Variants in LSP1 observed in about 807,000 individuals in gnomAD.
LSP1 encodes the protein lymphocyte specific protein 1.
In LSP1, 32 loss-of-function variants were observed where a neutral mutation model predicts 49.3. The ratio of observed to expected loss-of-function variants is 0.65; its 90% confidence interval spans 0.49 to 0.87. The LOEUF (loss-of-function observed/expected upper bound fraction) is 0.87. LSP1 is among the 40% of genes least tolerant of loss of function. The pLI is 0.00. For missense variants in LSP1, 428 were observed against 442.6 expected, an observed-to-expected ratio of 0.97 and a Z score of 0.30; for synonymous variants, 179 against 178.8, an observed-to-expected ratio of 1.00 and a Z score of -0.01.
chr11:1,868,640 G>T (rs1847873881), intron 1 of LSP1: 1 of 985,344 alleles, frequency 1.0e-6, no homozygotes, highest in African/African-American at 1.7e-5. Context: ...CCAGGCCTGA[G>T]ATCCTGAGGG....
intron 1 of LSP1, chr11:1,876,683 G>T (rs529524358): frequency 5.2e-5 from 50 of 962,420 alleles, no homozygotes; most frequent in African/African-American, 4.4e-4. Context: ...GATGGGCATT[G>T]TCAGGCCCTC....
rs757274538 is a variant in LSP1 at position 1,881,460 on chromosome 11, G to C, written c.220G>C (p.Glu74Gln). 5 of 1,580,658 alleles carry C rather than the reference G, an allele frequency of 3.2e-6. No individual in the cohort carries two copies. In the East Asian group the frequency reaches 1.1e-4, roughly 36 times the overall value. Residue 74 changes from glutamate to glutamine, a missense_variant, in exon 3 of 11, where the codon GAA (glutamate) becomes CAA (glutamine). Physicochemically the swap from Glu to Gln is conservative, Grantham distance 29. Transcript: ENST00000311604. ...LLSLKPSEAP[E>Q]LDEDEGFGDW... Reference sequence around the variant, plus strand: ...CAGCCTGAAGCCCTCGGAGGCCCCTGAACTGGATGAGGACGAGGGCTTTGG... The same window carrying C: ...CAGCCTGAAGCCCTCGGAGGCCCCTCAACTGGATGAGGACGAGGGCTTTGG...
At chr11:1,862,117 G>A (rs376637869) in intron 1 of LSP1, among the ~76,000 whole-genome samples, 4 of 151,834 alleles carry the variant, frequency 2.6e-5, no homozygotes, top group East Asian at 3.9e-4. Flanking sequence ...ATGAATAGAT[G>A]GGTGGGTGGA....
At chr11:1,883,033 G>A (rs1250912926) in intron 3 of LSP1, among the ~76,000 whole-genome samples, 1 of 152,266 alleles carries the variant, frequency 6.6e-6, no homozygotes, top group Non-Finnish European at 1.5e-5. Flanking sequence ...AGCAGGAGTG[G>A]TGGCCCCAGC....
intron 1 of LSP1, among the ~76,000 whole-genome samples, chr11:1,878,117 C>T (rs1292619724): frequency 6.6e-6 from 1 of 152,160 alleles, no homozygotes; most frequent in Non-Finnish European, 1.5e-5. Flanking sequence ...CAGGGACACA[C>T]ACCCCAGCTA....
At chr11:1,865,948 G>A (rs1847776237) in intron 1 of LSP1, among the ~76,000 whole-genome samples, 1 of 152,042 alleles carries the variant, frequency 6.6e-6, no homozygotes. Context: ...CCACCTGCAG[G>A]TGTTGGGCCA....
At chr11:1,856,647 C>T (rs1285109587) in intron 1 of LSP1, among the ~76,000 whole-genome samples, 1 of 152,238 alleles carries the variant, frequency 6.6e-6, no homozygotes, top group East Asian at 1.9e-4. Context: ...TGGAGACCCT[C>T]AGAGCTCCAG....
Position 1,884,151 on chromosome 11 carries a change from G to T in LSP1, c.591+127G>T. The T allele has an allele frequency of 1.4e-6, 2 of 1,425,372 alleles. No homozygotes were observed. The highest frequency in any genetic ancestry group is 9.9e-7 in the Non-Finnish European group (1 of 1,013,312). 88.3% of individuals were successfully genotyped at this position (1,425,372 alleles called of 1,614,324 possible). A position where few individuals can be genotyped will look rare whatever the true frequency, so the allele number is the denominator to read the frequency against. On this transcript the variant is annotated intron_variant, in intron 5 of 10. Transcript: ENST00000311604. This position sits in a 1 kb window ranked among gnomAD's most constrained non-coding sequence, Gnocchi z 4.1. ...GGCTTTTGTCTGCTATCCCCCCATT[G>T]CCCGGTGCTCAGCGAACCCCCATGA...
At chr11:1,890,067 C>A (rs997302766) in intron 10 of LSP1, 4 of 711,976 alleles carry the variant, frequency 5.6e-6, no homozygotes, top group South Asian at 1.5e-5. Context: ...GGTGCCCCCA[C>A]CCCCAGAGAC....
At chr11:1,867,628 G>A (rs1033116544) in intron 1 of LSP1, among the ~76,000 whole-genome samples, 3 of 152,064 alleles carry the variant, frequency 2.0e-5, no homozygotes, top group Non-Finnish European at 4.4e-5. Context: ...CCCCTTTCCC[G>A]GGGACCCCTT....
At chr11:1,858,195 G>A (rs1224313775) in intron 1 of LSP1, among the ~76,000 whole-genome samples, 1 of 152,230 alleles carries the variant, frequency 6.6e-6, no homozygotes, top group Non-Finnish European at 1.5e-5. Context: ...CCCTGCCTGG[G>A]GAGGGGCCTG....
chr11:1,860,252 T>C (rs1463130039), intron 1 of LSP1, among the ~76,000 whole-genome samples: 1 of 152,106 alleles, frequency 6.6e-6, no homozygotes, highest in Non-Finnish European at 1.5e-5. Context: ...AATGGATGGA[T>C]GGATGGATGG....
At chr11:1,890,231 G>A (rs983964187) in intron 10 of LSP1, 1 of 716,506 alleles carries the variant, frequency 1.4e-6, no homozygotes, top group East Asian at 2.7e-5. Context: ...GGTGGATGAT[G>A]GGGGTGTGCG....
intron 1 of LSP1, among the ~76,000 whole-genome samples, chr11:1,872,851 G>A (rs1848102203): frequency 6.6e-6 from 1 of 152,110 alleles, no homozygotes; most frequent in Admixed American, 6.5e-5. Flanking sequence ...ACTCTGGGGC[G>A]AAGTTGATGC....
chr11:1,856,660 T>C (rs940473443), intron 1 of LSP1, among the ~76,000 whole-genome samples: 1 of 152,222 alleles, frequency 6.6e-6, no homozygotes, highest in East Asian at 1.9e-4. Flanking sequence ...AGCTCCAGAT[T>C]CTGAAGGAGG....
intron 1 of LSP1, among the ~76,000 whole-genome samples, chr11:1,856,087 G>T (rs766378899): frequency 6.6e-6 from 1 of 151,842 alleles, no homozygotes; most frequent in Non-Finnish European, 1.5e-5. Flanking sequence ...CCGCCCAGGC[G>T]TGCCCACCCC....
chr11:1,862,774 G>A (rs996345650), intron 1 of LSP1, among the ~76,000 whole-genome samples: 19 of 20,046 alleles, frequency 9.5e-4, no homozygotes, highest in African/African-American at 3.0e-3. Flanking sequence ...CGCCTCCCCT[G>A]GGTGATCTCA....
rs569210288 is a variant in LSP1 at position 1,891,888 on chromosome 11, C to T, written c.*129C>T. 1 of 152,354 alleles carries T rather than the reference C, an allele frequency of 6.6e-6. No homozygotes were observed. The highest frequency in any genetic ancestry group is 2.4e-5 in the African/African-American group (1 of 41,430). 9.4% of individuals were successfully genotyped at this position (152,354 alleles called of 1,614,324 possible). Reference sequence around the variant, plus strand: ...AAGTTGCTTCCTGTTGCCAGCATGACCTACCCTCGCCTCTTTGATGCCATC... The same window carrying T: ...AAGTTGCTTCCTGTTGCCAGCATGATCTACCCTCGCCTCTTTGATGCCATC... On this transcript the variant is annotated 3_prime_UTR_variant, in exon 11 of 11. Coordinates refer to ENST00000311604, the MANE Select transcript of LSP1 (RefSeq NM_002339.3).
At chr11:1,889,363 T>A in intron 10 of LSP1, 1 of 712,550 alleles carries the variant, frequency 1.4e-6, no homozygotes, top group Non-Finnish European at 2.6e-6. Context: ...GCCACTGACA[T>A]GCGGTACAGC....
Sources: allele counts gnomAD v4.1 joint callset (sites outside exome capture counted in the v4.1 genomes callset), GRCh38; gene constraint gnomAD v4.1.1; non-coding constraint Gnocchi (gnomAD v3.1); transcripts MANE v1.5; gene names NCBI Gene and HGNC (gene_info 2026-07-23, HGNC 2026-07-21).